The following MAF variants were observed in gnomAD, a reference collection of about 807,000 sequenced individuals.
MAF encodes transcription factor Maf.
MAF carries 10 observed loss-of-function variants against 22.0 expected under a neutral mutation model. The observed-to-expected ratio is 0.45, with a 90% confidence interval of 0.28 to 0.77. The LOEUF is 0.77. Among genes scored for constraint, MAF ranks in the 30% least tolerant of loss-of-function variants. The pLI is 0.12. For missense variants in MAF, 544 were observed against 548.4 expected, an observed-to-expected ratio of 0.99 and a Z score of 0.08; for synonymous variants, 337 against 255.8, an observed-to-expected ratio of 1.32 and a Z score of -3.03.
the MAF span, among the ~76,000 whole-genome samples, chr16:79,557,445 T>G: frequency 7.2e-5 from 11 of 152,026 alleles, no homozygotes; most frequent in African/African-American, 2.7e-4. Flanking sequence ...GATCCCCCAA[T>G]AGAGTCAGCC....
At chr16:79,373,359 C>CATT in the MAF span, among the ~76,000 whole-genome samples, 1 of 33,300 alleles carries the variant, frequency 3.0e-5, no homozygotes, top group East Asian at 7.1e-4. Flanking sequence ...GGACTGGTAG[C>CATT]TTTTTTTTTT....
the MAF span, among the ~76,000 whole-genome samples, chr16:79,331,548 C>T: frequency 2.6e-5 from 4 of 152,306 alleles, no homozygotes; most frequent in African/African-American, 9.6e-5. Flanking sequence ...AGACATCCAC[C>T]GCTCTTCTTA....
chr16:79,218,308 G>C, the MAF span, among the ~76,000 whole-genome samples: 1 of 148,308 alleles, frequency 6.7e-6, no homozygotes. Flanking sequence ...TATCACATAG[G>C]TGATGGGCCA....
At chr16:79,206,052 G>C in the MAF span, 1 of 152,112 alleles carries the variant, frequency 6.6e-6, no homozygotes, top group Admixed American at 6.5e-5. Flanking sequence ...TTGGATCATC[G>C]AAGGGGGTGC....
the MAF span, among the ~76,000 whole-genome samples, chr16:79,329,967 C>A: frequency 6.6e-5 from 10 of 150,972 alleles, no homozygotes; most frequent in East Asian, 1.2e-3. Context: ...AAAAAAAAAA[C>A]AGCAAAAGAC....
At chr16:79,463,990 G>A in the MAF span, among the ~76,000 whole-genome samples, 2 of 151,062 alleles carry the variant, frequency 1.3e-5, no homozygotes, top group African/African-American at 2.4e-5. Context: ...AAATACGGAC[G>A]ATAAAAAGGG....
At chr16:79,222,953 A>G in the MAF span, among the ~76,000 whole-genome samples, 1 of 152,224 alleles carries the variant, frequency 6.6e-6, no homozygotes, top group Non-Finnish European at 1.5e-5. Flanking sequence ...AATATTAGAC[A>G]TATCGACGAG....
the MAF span, among the ~76,000 whole-genome samples, chr16:79,298,499 G>A: frequency 6.6e-6 from 1 of 152,182 alleles, no homozygotes; most frequent in African/African-American, 2.4e-5. Flanking sequence ...GCTCCAACTG[G>A]GGAGGGGAAG....
the MAF span, among the ~76,000 whole-genome samples, chr16:79,306,258 A>C: frequency 6.6e-6 from 1 of 152,190 alleles, no homozygotes; most frequent in Non-Finnish European, 1.5e-5. Context: ...ATCCTGTGTG[A>C]TGCACATGGC....
At chr16:79,473,702 T>A in the MAF span, among the ~76,000 whole-genome samples, 1 of 152,108 alleles carries the variant, frequency 6.6e-6, no homozygotes, top group South Asian at 2.1e-4. Flanking sequence ...CACCTGCAGT[T>A]AAAAACCATG....
the MAF span, among the ~76,000 whole-genome samples, chr16:79,338,734 C>T: frequency 6.6e-6 from 1 of 152,180 alleles, no homozygotes; most frequent in African/African-American, 2.4e-5. Flanking sequence ...ACTCGCGACA[C>T]TTCACTTGGC....
At chr16:79,286,406 C>T in the MAF span, among the ~76,000 whole-genome samples, 8 of 152,282 alleles carry the variant, frequency 5.3e-5, no homozygotes, top group African/African-American at 1.4e-4. Context: ...AAAAGTTGGC[C>T]CCACCATCAA....
the MAF span, among the ~76,000 whole-genome samples, chr16:79,357,829 C>A: frequency 6.6e-6 from 1 of 152,160 alleles, no homozygotes; most frequent in Non-Finnish European, 1.5e-5. Flanking sequence ...CATCTGAGGT[C>A]CTCCATGTTT....
the MAF span, among the ~76,000 whole-genome samples, chr16:79,341,637 G>T: frequency 6.6e-6 from 1 of 152,148 alleles, no homozygotes; most frequent in Non-Finnish European, 1.5e-5. Context: ...TATTAGGTTG[G>T]CTATTGAAGA....
chr16:79,373,035 C>A, the MAF span, among the ~76,000 whole-genome samples: 320 of 152,234 alleles, frequency 2.1e-3, 2 homozygotes, highest in African/African-American at 7.5e-3. Context: ...ACCATGGTTG[C>A]CTCACCTTTG....
the MAF span, among the ~76,000 whole-genome samples, chr16:79,255,375 C>T: frequency 1.3e-5 from 2 of 152,178 alleles, no homozygotes; most frequent in South Asian, 4.1e-4. Context: ...GCTCTCTGCT[C>T]GTTTTGGGAG....
the MAF span, among the ~76,000 whole-genome samples, chr16:79,318,269 C>G: frequency 6.6e-6 from 1 of 152,182 alleles, no homozygotes; most frequent in African/African-American, 2.4e-5. Context: ...CTGCAGGGCT[C>G]TGCTTGAGAG....
At chr16:79,457,876 A>C in the MAF span, among the ~76,000 whole-genome samples, 2 of 152,142 alleles carry the variant, frequency 1.3e-5, no homozygotes, top group African/African-American at 4.8e-5. Flanking sequence ...CTCCCACAGT[A>C]TGAGAAAGAA....
chr16:79,415,999 T>A, the MAF span, among the ~76,000 whole-genome samples: 2 of 152,060 alleles, frequency 1.3e-5, no homozygotes, highest in Non-Finnish European at 2.9e-5. Context: ...AGACCTTCCC[T>A]ACCTCCTTTT....
Sources: gnomAD v4.1 joint callset for allele counts (sites outside exome capture counted in the v4.1 genomes callset) on GRCh38, gnomAD v4.1.1 for gene constraint, MANE v1.5 for transcripts, NCBI Gene and HGNC (gene_info 2026-07-23, HGNC 2026-07-21) for gene names.